Variants in NTRK1 observed in about 807,000 individuals in gnomAD.
NTRK1 encodes the protein high affinity nerve growth factor receptor.
Under a neutral mutation model 86.8 loss-of-function variants are expected in NTRK1, and 62 were observed. That is an observed-to-expected ratio of 0.71 (90% confidence interval 0.58 to 0.88). The LOEUF (loss-of-function observed/expected upper bound fraction) is 0.88. Among genes scored for constraint, NTRK1 ranks in the 40% least tolerant of loss-of-function variants. NTRK1 has a pLI of 0.00. For synonymous variants in NTRK1, 469 were observed against 456.6 expected, an observed-to-expected ratio of 1.03 and a Z score of -0.35; for missense variants, 967 against 1,078.4, an observed-to-expected ratio of 0.90 and a Z score of 1.45.
At chr1:156,872,919 C>A (rs1273441685) in intron 7 of NTRK1, among the ~76,000 whole-genome samples, 1 of 151,842 alleles carries the variant, frequency 6.6e-6, no homozygotes, top group Non-Finnish European at 1.5e-5. Flanking sequence ...CCTCGTGATC[C>A]GCCCGCCTCG....
intron 2 of NTRK1, among the ~76,000 whole-genome samples, chr1:156,853,027 C>T (rs185257250): frequency 1.7e-3 from 253 of 152,276 alleles, no homozygotes; most frequent in Non-Finnish European, 2.3e-3. Context: ...TTTCCTATAA[C>T]GTTTTGCTTA....
chr1:156,841,978 A>G, intron 1 of NTRK1: 1 of 1,553,060 alleles, frequency 6.4e-7, no homozygotes, highest in Non-Finnish European at 8.8e-7. Flanking sequence ...ACAAGAGACT[A>G]AGATACAGGG....
chr1:156,872,588 A>C (rs1647622710), intron 7 of NTRK1, among the ~76,000 whole-genome samples: 1 of 151,302 alleles, frequency 6.6e-6, no homozygotes, highest in African/African-American at 2.4e-5. Context: ...TATGAATGCT[A>C]TATTATATAT....
chr1:156,849,509 G>GGC, intron 2 of NTRK1: 2 of 1,105,816 alleles, frequency 1.8e-6, no homozygotes, highest in Admixed American at 3.7e-5. Flanking sequence ...GGGGCAGGGG[G>GGC]TGGGAAAGGG....
intron 15 of NTRK1, 50 bp downstream of exon 15, chr1:156,879,412 A>G (rs753922898): frequency 1.3e-6 from 2 of 1,563,426 alleles, no homozygotes; most frequent in South Asian, 1.2e-5. Flanking sequence ...AACTGTAGAC[A>G]CCCTGGATCC....
chr1:156,816,040 G>A (rs776157082), intron 1 of NTRK1: 2 of 1,614,114 alleles, frequency 1.2e-6, no homozygotes, highest in Non-Finnish European at 1.7e-6. Flanking sequence ...GCTCCTGCGG[G>A]TCATGTCTGT....
At chr1:156,845,664 T>C (rs1571661369) in intron 2 of NTRK1, 1 of 1,610,576 alleles carries the variant, frequency 6.2e-7, no homozygotes, top group Non-Finnish European at 8.5e-7. Flanking sequence ...AAACTTCTTC[T>C]GGAACGAGGC....
chr1:156,861,293 G>C (rs548463300), intron 1 of NTRK1, 147 bp downstream of exon 1: 1 of 902,348 alleles, frequency 1.1e-6, no homozygotes, highest in East Asian at 3.0e-5. Flanking sequence ...CTGCCCGGGC[G>C]TTCCTCCGCA....
intron 2 of NTRK1, chr1:156,853,821 G>A (rs1347439958): frequency 6.2e-7 from 1 of 1,613,558 alleles, no homozygotes; most frequent in East Asian, 2.2e-5. Flanking sequence ...TTGGCACAGG[G>A]CTCACCAGCA....
chr1:156,860,493 G>A (rs973329477), upstream of NTRK1, among the ~76,000 whole-genome samples: 16 of 152,240 alleles, frequency 1.1e-4, no homozygotes, highest in Admixed American at 1.0e-3. Flanking sequence ...AGGATGGAGC[G>A]CTGAGCCTGG....
chr1:156,858,979 G>A (rs1655510061), upstream of NTRK1: 1 of 255,978 alleles, frequency 3.9e-6, no homozygotes, highest in South Asian at 5.7e-5. Context: ...TGAGGGCGGA[G>A]CAGCAGGCTG....
At chr1:156,844,664 A>G in intron 2 of NTRK1, 1 of 1,613,916 alleles carries the variant, frequency 6.2e-7, no homozygotes, top group Non-Finnish European at 8.5e-7. Context: ...AAGGCGATGT[A>G]GGCACAAAAC....
chr1:156,843,823 G>A (rs1229239855), intron 2 of NTRK1, among the ~76,000 whole-genome samples: 2 of 152,222 alleles, frequency 1.3e-5, no homozygotes, highest in African/African-American at 2.4e-5. Context: ...CAGGCCTCCT[G>A]CTTCTTCTCC....
chr1:156,867,040 G>T lies in NTRK1; in HGVS notation c.428+62G>T, dbSNP rs576689348. ...TGTGTGTGTGCCTGTGTGCACTTGG[G>T]TCTGTTGGATGACATTGGGTCACTG... On this transcript the variant is annotated intron_variant, in intron 4 of 16. Coordinates refer to ENST00000524377, the MANE Select transcript of NTRK1 (RefSeq NM_002529.4). 2.6e-5 allele frequency: 41 copies of T among 1,547,602 alleles called. 1 individual carries two copies. In the South Asian group the frequency reaches 3.3e-4, roughly 13 times the overall value.
At position 156,868,569 on chromosome 1, in the gene NTRK1, G is replaced by A. The variant is rs890893982; in HGVS notation, c.639G>A (p.Leu213=). The part of the protein sequence containing the change: ...ASVDVGDDVL[L]RCQVEGRGLE... ...TGGATGTGGGGGACGACGTGCTGCT[G>A]CGGTGCCAGGTGGAGGGGCGGGGCC... Residue 213 remains leucine (L), a synonymous_variant, in exon 6 of 17, where the codon CTG becomes CTA. Transcript: ENST00000524377. 2 of 1,554,740 alleles carry A rather than the reference G, an allele frequency of 1.3e-6. No homozygotes were observed. The highest frequency in any genetic ancestry group is 3.9e-5 in the Admixed American group (2 of 51,490).
chr1:156,838,453 G>A (rs557494441), intron 1 of NTRK1, among the ~76,000 whole-genome samples: 10 of 151,414 alleles, frequency 6.6e-5, no homozygotes, highest in South Asian at 2.1e-4. Flanking sequence ...TATTTCAGTC[G>A]CTGCATTTAC....
chr1:156,867,895 G>C (rs563946983), intron 4 of NTRK1, among the ~76,000 whole-genome samples: 1 of 149,266 alleles, frequency 6.7e-6, no homozygotes, highest in Admixed American at 6.6e-5. Flanking sequence ...GGATGGTCTC[G>C]ATCTTCTGAC....
chr1:156,848,983 C>T, intron 2 of NTRK1: 1 of 1,610,908 alleles, frequency 6.2e-7, no homozygotes, highest in Admixed American at 1.7e-5. Context: ...CATAGCGCTC[C>T]CAGCGTAGCA....
chr1:156,849,057 G>A (rs780587565), intron 2 of NTRK1: 7 of 1,611,288 alleles, frequency 4.3e-6, no homozygotes, highest in African/African-American at 1.3e-5. Context: ...CCTGGGTGGG[G>A]CGAGGGGCCT....
Sources: gnomAD v4.1 joint callset for allele counts (sites outside exome capture counted in the v4.1 genomes callset) on GRCh38, gnomAD v4.1.1 for gene constraint, MANE v1.5 for transcripts, NCBI Gene and HGNC (gene_info 2026-07-23, HGNC 2026-07-21) for gene names.